The following PKDCC variants were observed in gnomAD, a reference collection of about 807,000 sequenced individuals.
PKDCC encodes the protein extracellular tyrosine-protein kinase PKDCC.
In PKDCC, 35 loss-of-function variants were observed where a neutral mutation model predicts 44.7. That is an observed-to-expected ratio of 0.78 (90% confidence interval 0.60 to 1.04). PKDCC has a LOEUF of 1.04. Ranked by LOEUF, PKDCC falls within the 50% of genes least tolerant of loss-of-function variation. The pLI, the probability that PKDCC is intolerant of heterozygous loss-of-function variation, is 0.00. For missense variants in PKDCC, 738 were observed against 672.7 expected (o/e 1.10, Z -1.07); for synonymous variants, 353 against 303.3 (o/e 1.16, Z -1.70).
rs1341612048 is a variant in PKDCC at position 42,048,373 on chromosome 2, G to T, written c.174G>T (p.Arg58=). Residue 58 remains arginine, a synonymous_variant, in exon 1 of 7, where the codon CGG becomes CGT. Coordinates refer to ENST00000294964, the MANE Select transcript of PKDCC (RefSeq NM_138370.3). The surrounding 1 kb of genome is among the most constrained non-coding windows in gnomAD (Gnocchi z 6.2). ...GCGGGGGCCGCGGGGAGCTGGCCCG[G>T]CAGATCCGGGCGCGCTACGAGGAGG... is the stretch of plus-strand genomic sequence containing the variant. The part of the protein sequence containing the change: ...GRRGGRGELA[R]QIRARYEEVQ... 8.6e-7 allele frequency: 1 copy of T among 1,160,012 alleles called. No homozygotes were observed. The highest frequency in any genetic ancestry group is 1.1e-6 in the Non-Finnish European group (1 of 943,382). The allele number at this position is 1,160,012 out of a possible 1,614,324, so 71.9% of individuals were successfully genotyped here.
In PKDCC at chr2:42,054,675, A is replaced by G; in HGVS notation, c.1035-266A>G. 1.8e-6 allele frequency: 1 copy of G among 561,418 alleles called. No homozygotes were observed. The highest frequency in any genetic ancestry group is 2.3e-5 in the South Asian group (1 of 43,858). The allele number at this position is 561,418 out of a possible 1,614,324, so 34.8% of individuals were successfully genotyped here. A position where few individuals can be genotyped will look rare whatever the true frequency, so the allele number is the denominator to read the frequency against. ...TCCGACACCGGGAGTCAGTCAGGGG[A>G]TAATGTGGGGCTGGGAGGTGGGCAA... On this transcript the variant is annotated intron_variant, in intron 3 of 6. Coordinates refer to ENST00000294964, the MANE Select transcript of PKDCC (RefSeq NM_138370.3). The surrounding 1 kb of genome is among the most constrained non-coding windows in gnomAD (Gnocchi z 6.1).
chr2:42,057,552 C>T, intron 6 of PKDCC, 51 bp from the exon 7 acceptor site: 1 of 1,592,060 alleles, frequency 6.3e-7, no homozygotes, highest in Non-Finnish European at 8.6e-7. Flanking sequence ...ATGGTCTTGC[C>T]TCCAGAAAGA....
rs1668040000 is a variant in PKDCC, at chr2:42,055,539, G to A, written c.1222+146G>A. 3.1e-6 allele frequency: 2 copies of A among 654,116 alleles called. No homozygotes were observed. Among genetic ancestry groups the A allele is most frequent in the Non-Finnish European group, 2.7e-6 (1 of 376,502 alleles). The allele number at this position is 654,116 out of a possible 1,614,324, so 40.5% of individuals were successfully genotyped here. On this transcript the variant is annotated intron_variant, in intron 5 of 6. Coordinates refer to ENST00000294964, the MANE Select transcript of PKDCC (RefSeq NM_138370.3). This position sits in a 1 kb window ranked among gnomAD's most constrained non-coding sequence, Gnocchi z 4.5. ...GTAGGGGCTCACATAGAATCATGGA[G>A]GGGCTGACATGGACTAATTTGAGGT... is the stretch of plus-strand genomic sequence containing the variant.
Position 42,052,726 on chromosome 2 carries a change from A to C in PKDCC, c.640-513A>C, listed in dbSNP as rs1337277051. Among the ~76,000 whole-genome samples the C allele has an allele frequency of 6.6e-6, 1 of 151,546 alleles. No homozygotes were observed. Among genetic ancestry groups the C allele is most frequent in the Non-Finnish European group, 1.5e-5 (1 of 67,918 alleles). ...CACTGCACTCCAGCCTGGGCAACAG[A>C]GCGAGGCTGTCTCAAAAAAAAAAAA... On this transcript the variant is annotated intron_variant, in intron 1 of 6. Transcript: ENST00000294964. This position sits in a 1 kb window ranked among gnomAD's most constrained non-coding sequence, Gnocchi z 4.3.
chr2:42,053,925 G>A, intron 2 of PKDCC, 111 bp from the exon 3 acceptor site: 1 of 1,389,416 alleles, frequency 7.2e-7, no homozygotes, highest in Non-Finnish European at 9.8e-7. Context: ...TAGAAGAGAA[G>A]TGCCAACCCC....
At chr2:42,053,890 G>T in intron 2 of PKDCC, 146 bp from the exon 3 acceptor site, 1 of 954,074 alleles carries the variant, frequency 1.0e-6, no homozygotes, top group Non-Finnish European at 1.5e-6. Flanking sequence ...TGCTGACCTT[G>T]GCCTTTGTGG....
chr2:42,054,360 G>A lies in PKDCC; in HGVS notation c.1034+53G>A, dbSNP rs1482745983. 1 of 1,539,368 alleles carries A rather than the reference G, an allele frequency of 6.5e-7. No homozygotes were observed. The highest frequency in any genetic ancestry group is 1.2e-5 in the South Asian group (1 of 81,124). On this transcript the variant is annotated intron_variant, in intron 3 of 6. Coordinates refer to ENST00000294964, the MANE Select transcript of PKDCC (RefSeq NM_138370.3). The surrounding 1 kb of genome is among the most constrained non-coding windows in gnomAD (Gnocchi z 6.1). ...CCATCGAAGGAGAATGGGCCAGGAG[G>A]GCATGGCAGGAAGAGAGCCAACGTG...
In PKDCC at chr2:42,055,914, A is replaced by G. The variant is rs1047777270; in HGVS notation, c.1222+521A>G. Among the ~76,000 whole-genome samples, 3 of 152,154 alleles carry G rather than the reference A, an allele frequency of 2.0e-5. No homozygotes were observed. Among genetic ancestry groups the G allele is most frequent in the African/African-American group, 7.2e-5 (3 of 41,428 alleles). On this transcript the variant is annotated intron_variant, in intron 5 of 6. Transcript: ENST00000294964. The surrounding 1 kb of genome is among the most constrained non-coding windows in gnomAD (Gnocchi z 4.5). Reference sequence around the variant, plus strand: ...AAGGCACACACTGAAACCAGCCAAGAAGCCCCAGGGCAGGGGGAGAATTCT... The same window carrying G: ...AAGGCACACACTGAAACCAGCCAAGGAGCCCCAGGGCAGGGGGAGAATTCT...
Position 42,055,128 on chromosome 2 carries a change from AC to A in PKDCC, c.1114+109del. On this transcript the variant is annotated intron_variant, in intron 4 of 6. Coordinates refer to ENST00000294964, the MANE Select transcript of PKDCC (RefSeq NM_138370.3). This position sits in a 1 kb window ranked among gnomAD's most constrained non-coding sequence, Gnocchi z 4.5. ...GGCAGCAGGGGTTCTAGAAACCATC[AC>A]TTCCTAAGGTGGCATTCTGCCGCAA... The A allele has an allele frequency of 1.5e-6, 2 of 1,367,728 alleles. No individual in the cohort carries two copies. Among genetic ancestry groups the A allele is most frequent in the Admixed American group, 3.5e-5 (2 of 57,278 alleles). The allele number at this position is 1,367,728 out of a possible 1,614,324, so 84.7% of individuals were successfully genotyped here.
chr2:42,053,677 A>C (rs1668006084), intron 2 of PKDCC: 2 of 520,732 alleles, frequency 3.8e-6, no homozygotes, highest in Non-Finnish European at 6.8e-6. Context: ...CCAGTGTCCT[A>C]GAACTAGGAA....
Position 42,052,090 on chromosome 2 carries a change from C to T in PKDCC, c.640-1149C>T, listed in dbSNP as rs979599617. ...AGGTGGTAGTGACACTCAGGCTTTG[C>T]TTCCCAGAAGTCCCTGGGCAGTGCG... On this transcript the variant is annotated intron_variant, in intron 1 of 6. Transcript: ENST00000294964. This position sits in a 1 kb window ranked among gnomAD's most constrained non-coding sequence, Gnocchi z 4.3. 1.3e-5 allele frequency among the ~76,000 whole-genome samples: 2 copies of T among 152,072 alleles called. No homozygotes were observed. Among genetic ancestry groups the T allele is most frequent in the Non-Finnish European group, 2.9e-5 (2 of 68,008 alleles).
At position 42,057,846 on chromosome 2, in the gene PKDCC, A is replaced by G. The variant is rs1047715164; in HGVS notation, c.*158A>G. 1.6e-6 allele frequency: 1 copy of G among 625,120 alleles called. No individual in the cohort carries two copies. The highest frequency in any genetic ancestry group is 2.8e-6 in the Non-Finnish European group (1 of 359,628). 38.7% of individuals were successfully genotyped at this position (625,120 alleles called of 1,614,324 possible). A position where few individuals can be genotyped will look rare whatever the true frequency, so the allele number is the denominator to read the frequency against. The stretch of plus-strand genomic sequence containing the variant: ...CAGATGTGACCAGGACAAACGTGCA[A>G]TAATGCCAAATGTTAAAATGTGAGT... On this transcript the variant is annotated 3_prime_UTR_variant, in exon 7 of 7. Transcript: ENST00000294964.
chr2:42,055,349 G>A lies in PKDCC; in HGVS notation c.1178G>A (p.Arg393Gln), dbSNP rs374556546. 2.1e-5 allele frequency: 34 copies of A among 1,613,588 alleles called. No individual in the cohort carries two copies. The highest frequency in any genetic ancestry group is 1.5e-4 in the African/African-American group (11 of 74,896). The stretch of plus-strand genomic sequence containing the variant: ...CTGGAGAAGGTGCTGCACCTGTACC[G>A]GAGCGGGCAGTATCTGCAGAACTCC... ...AQLEKVLHLY[R>Q]SGQYLQNSTA... The change falls in exon 5 of 7, where the codon CGG becomes CAG. Residue 393 changes from arginine to glutamine, a missense_variant. Arg to Gln is a conservative substitution (Grantham distance 43, BLOSUM62 1). Transcript: ENST00000294964. The surrounding 1 kb of genome is among the most constrained non-coding windows in gnomAD (Gnocchi z 4.5).
Position 42,048,814 on chromosome 2 carries a change from G to T in PKDCC, c.615G>T (p.Arg205=), listed in dbSNP as rs776939920. The T allele has an allele frequency of 7.5e-6, 11 of 1,472,900 alleles. No individual in the cohort carries two copies. The highest frequency in any genetic ancestry group is 1.4e-5 in the South Asian group (1 of 72,644). 91.2% of individuals were successfully genotyped at this position (1,472,900 alleles called of 1,614,324 possible). The part of the protein sequence containing the change: ...KLLKEMVLLE[R]LRHPNVLQLY... ...TTAAGGAGATGGTGCTGCTGGAGCG[G>T]CTGCGGCACCCCAACGTGCTGCAGG... The change falls in exon 1 of 7, where the codon CGG becomes CGT. Residue 205 remains arginine (R), a synonymous_variant. Transcript: ENST00000294964. The surrounding 1 kb of genome is among the most constrained non-coding windows in gnomAD (Gnocchi z 6.2).
chr2:42,056,092 C>T (rs866584747), intron 5 of PKDCC, among the ~76,000 whole-genome samples: 3 of 152,144 alleles, frequency 2.0e-5, no homozygotes, highest in Non-Finnish European at 4.4e-5. Context: ...TAAAGTTTAA[C>T]GAGGTGAACA....
In PKDCC at chr2:42,052,127, C is replaced by T. The variant is rs1667978060; in HGVS notation, c.640-1112C>T. Among the ~76,000 whole-genome samples, 1 of 152,082 alleles carries T rather than the reference C, an allele frequency of 6.6e-6. No individual in the cohort carries two copies. The highest frequency in any genetic ancestry group is 1.5e-5 in the Non-Finnish European group (1 of 68,014). On this transcript the variant is annotated intron_variant, in intron 1 of 6. Coordinates refer to ENST00000294964, the MANE Select transcript of PKDCC (RefSeq NM_138370.3). This position sits in a 1 kb window ranked among gnomAD's most constrained non-coding sequence, Gnocchi z 4.3. ...CCCTGGGCAGTGCGGAGCTTCTCCC[C>T]AGATGACATAGAGTGGGCAGTTCCC...
chr2:42,054,314 T>C lies in PKDCC; in HGVS notation c.1034+7T>C. On this transcript the variant is annotated splice_region_variant and intron_variant, in intron 3 of 6. Transcript: ENST00000294964. The surrounding 1 kb of genome is among the most constrained non-coding windows in gnomAD (Gnocchi z 6.1). Reference sequence around the variant, plus strand: ...ACCTCTATAATGCCTACAGGTGACCTCCACCCCTGACTCGGGAACTCCATC... The same window carrying C: ...ACCTCTATAATGCCTACAGGTGACCCCCACCCCTGACTCGGGAACTCCATC... 1 of 1,592,428 alleles carries C rather than the reference T, an allele frequency of 6.3e-7. No individual in the cohort carries two copies. The highest frequency in any genetic ancestry group is 8.6e-7 in the Non-Finnish European group (1 of 1,167,364).
Position 42,048,414 on chromosome 2 carries a change from G to A in PKDCC, c.215G>A (p.Arg72His). The change falls in exon 1 of 7, where the codon CGC (arginine) becomes CAC (histidine). Residue 72 changes from arginine to histidine, a missense_variant. Physicochemically the swap from Arg to His is conservative, Grantham distance 29 (BLOSUM62 0). Transcript: ENST00000294964. The surrounding 1 kb of genome is among the most constrained non-coding windows in gnomAD (Gnocchi z 6.2). The part of the protein sequence containing the change: ...ARYEEVQRYS[R>H]GGPGPGAGRP... ...TACGAGGAGGTGCAGCGCTATTCCC[G>A]CGGGGGCCCCGGGCCCGGGGCGGGC... The A allele has an allele frequency of 8.7e-7, 1 of 1,144,728 alleles. No homozygotes were observed. The highest frequency in any genetic ancestry group is 1.1e-6 in the Non-Finnish European group (1 of 934,826). The allele number at this position is 1,144,728 out of a possible 1,614,324, so 70.9% of individuals were successfully genotyped here. A position where few individuals can be genotyped will look rare whatever the true frequency, so the allele number is the denominator to read the frequency against.
intron 5 of PKDCC, 93 bp from the exon 6 acceptor site, chr2:42,057,128 G>A: frequency 1.4e-6 from 2 of 1,424,702 alleles, no homozygotes; most frequent in South Asian, 1.3e-5. Context: ...CCTAGGAAAT[G>A]AGTCTTGCTG....
Sources: allele counts gnomAD v4.1 joint callset (sites outside exome capture counted in the v4.1 genomes callset), GRCh38; gene constraint gnomAD v4.1.1; non-coding constraint Gnocchi (gnomAD v3.1); transcripts MANE v1.5; gene names NCBI Gene and HGNC (gene_info 2026-07-23, HGNC 2026-07-21).